Variants in GPRASP3 observed in about 807,000 individuals in gnomAD.
GPRASP3 encodes the protein G protein-coupled receptor associated sorting protein 3.
At chrX:102,734,581 C>A in the GPRASP3 span, among the ~76,000 whole-genome samples, 2 of 111,547 alleles carry the variant, frequency 1.8e-5, no homozygotes, top group Non-Finnish European at 3.8e-5. Flanking sequence ...TGGGCTACTG[C>A]ACTCCAGCCT....
chrX:102,738,829 G>A, the GPRASP3 span, among the ~76,000 whole-genome samples: 3 of 111,754 alleles, frequency 2.7e-5, no homozygotes, highest in African/African-American at 6.5e-5. Context: ...GAGGACACAC[G>A]CCAGTGACAC....
At chrX:102,749,071 G>T in the GPRASP3 span, 3 of 1,210,601 alleles carry the variant, frequency 2.5e-6, no homozygotes, top group African/African-American at 3.5e-5. Flanking sequence ...TAAAGCTGGA[G>T]CAGAGAGGGA....
the GPRASP3 span, among the ~76,000 whole-genome samples, chrX:102,745,684 G>A: frequency 9.0e-6 from 1 of 111,500 alleles, no homozygotes; most frequent in African/African-American, 3.3e-5. Context: ...CCAAGGGGCG[G>A]TTTGGTATCC....
chrX:102,740,869 G>GAAAGA, the GPRASP3 span, among the ~76,000 whole-genome samples: 1 of 105,590 alleles, frequency 9.5e-6, no homozygotes, highest in Non-Finnish European at 2.0e-5. Context: ...AAAGAAAGAA[G>GAAAGA]AAAGAAAAGA....
chrX:102,744,286 AT>A, the GPRASP3 span, among the ~76,000 whole-genome samples: 4 of 112,298 alleles, frequency 3.6e-5, no homozygotes, highest in Non-Finnish European at 5.6e-5. Context: ...GAAATTATGC[AT>A]TTTAATATTC....
chrX:102,750,474 C>A, the GPRASP3 span: 1 of 1,210,066 alleles, frequency 8.3e-7, no homozygotes, highest in African/African-American at 1.7e-5. Context: ...TAAAACTCAT[C>A]TTTAACCAGA....
chrX:102,735,290 A>G, the GPRASP3 span, among the ~76,000 whole-genome samples: 1 of 112,264 alleles, frequency 8.9e-6, no homozygotes, highest in Non-Finnish European at 1.9e-5. Context: ...TTTGTTAAAG[A>G]GCAGATCAGT....
the GPRASP3 span, among the ~76,000 whole-genome samples, chrX:102,725,807 A>G: frequency 7.1e-5 from 8 of 112,599 alleles, no homozygotes; most frequent in Non-Finnish European, 1.3e-4. Context: ...TCGGCCACCC[A>G]AAGTGCTGGG....
chrX:102,748,199 G>A, the GPRASP3 span, among the ~76,000 whole-genome samples: 1 of 112,086 alleles, frequency 8.9e-6, no homozygotes, highest in South Asian at 3.8e-4. Flanking sequence ...TGGGTTTAGA[G>A]ATTAGAGTGT....
chrX:102,749,375 A>T, the GPRASP3 span: 1 of 1,211,859 alleles, frequency 8.3e-7, no homozygotes, highest in Non-Finnish European at 1.1e-6. Context: ...TGGAATGGAG[A>T]AGAGGCTGGT....
the GPRASP3 span, among the ~76,000 whole-genome samples, chrX:102,722,759 C>T: frequency 8.9e-6 from 1 of 111,766 alleles, no homozygotes; most frequent in Non-Finnish European, 1.9e-5. Flanking sequence ...TTATCCCTAT[C>T]AGGAAATAGC....
At chrX:102,724,681 T>C in the GPRASP3 span, among the ~76,000 whole-genome samples, 1 of 109,824 alleles carries the variant, frequency 9.1e-6, no homozygotes, top group Non-Finnish European at 1.9e-5. Flanking sequence ...TTTATGCCTG[T>C]AGAATTTTTT....
At chrX:102,750,441 C>G in the GPRASP3 span, 1 of 1,202,984 alleles carries the variant, frequency 8.3e-7, no homozygotes, top group Non-Finnish European at 1.1e-6. Context: ...GAGACATGAT[C>G]AATATGAAGG....
the GPRASP3 span, among the ~76,000 whole-genome samples, chrX:102,733,194 G>A: frequency 1.8e-5 from 2 of 112,173 alleles, no homozygotes; most frequent in African/African-American, 6.5e-5. Flanking sequence ...AGTGGCTCAC[G>A]CCTGTAATCC....
the GPRASP3 span, among the ~76,000 whole-genome samples, chrX:102,726,799 T>C: frequency 1.8e-5 from 2 of 112,696 alleles, no homozygotes; most frequent in Admixed American, 9.4e-5. Context: ...ATCCTCTGAA[T>C]TGAAACTAGG....
the GPRASP3 span, among the ~76,000 whole-genome samples, chrX:102,732,131 A>T: frequency 9.0e-6 from 1 of 111,391 alleles, no homozygotes; most frequent in African/African-American, 3.3e-5. Flanking sequence ...TGCCCTGCTC[A>T]TGCCTGTCTA....
chrX:102,740,889 G>T, the GPRASP3 span, among the ~76,000 whole-genome samples: 1 of 110,902 alleles, frequency 9.0e-6, no homozygotes, highest in Admixed American at 9.6e-5. Context: ...AAAAGAAAAA[G>T]AAAAGAAGAA....
At chrX:102,741,250 G>A in the GPRASP3 span, among the ~76,000 whole-genome samples, 3 of 112,169 alleles carry the variant, frequency 2.7e-5, no homozygotes, top group Non-Finnish European at 3.8e-5. Context: ...CCAAGTGGGC[G>A]ACTTGAAGGA....
the GPRASP3 span, chrX:102,751,190 G>T: frequency 8.1e-6 from 1 of 124,017 alleles, no homozygotes; most frequent in African/African-American, 3.2e-5. Context: ...CAGAATCTCA[G>T]ACAAAATGTA....
Sources: allele counts gnomAD v4.1 joint callset (sites outside exome capture counted in the v4.1 genomes callset), GRCh38; gene constraint gnomAD v4.1.1; transcripts MANE v1.5; gene names NCBI Gene and HGNC (gene_info 2026-07-23, HGNC 2026-07-21).